CTDNEP1: variants seen among roughly 807,000 people sequenced by gnomAD.
CTDNEP1 encodes C-terminal domain nuclear envelope phosphatase 1.
A neutral mutation model predicts 30.1 loss-of-function variants in CTDNEP1; 3 were observed. That is an observed-to-expected ratio of 0.10 (90% CI 0.05 to 0.26). The LOEUF (loss-of-function observed/expected upper bound fraction) is 0.26, where lower values mean the gene tolerates loss of function less well. Ranked by LOEUF, CTDNEP1 falls within the 10% of genes least tolerant of loss-of-function variation. CTDNEP1 has a pLI of 1.00. For synonymous variants in CTDNEP1, 123 were observed against 118.8 expected (o/e 1.04, Z -0.23); for missense variants, 158 against 310.4 (o/e 0.51, Z 3.69).
rs1366509317 is a variant in CTDNEP1 at position 7,244,467 on chromosome 17, GA to G, written c.674+83del. ...TCTTAAGGGAACAGAGTTAAAACAG[GA>G]CAAACCTTTTTTATTCCCTCTGAGG... On this transcript the variant is annotated intron_variant, in intron 7 of 7. Coordinates refer to ENST00000574322, the MANE Select transcript of CTDNEP1 (RefSeq NM_001143775.2). 5 of 1,384,768 alleles carry G rather than the reference GA, an allele frequency of 3.6e-6. No homozygotes were observed. The Admixed American group carries it at 8.5e-5, about 23-fold the overall frequency. The allele number at this position is 1,384,768 out of a possible 1,614,324, so 85.8% of individuals were successfully genotyped here.
At position 7,243,989 on chromosome 17, in the gene CTDNEP1, T is replaced by G; in HGVS notation, c.*196A>C. On this transcript the variant is annotated 3_prime_UTR_variant, in exon 8 of 8. Coordinates refer to ENST00000574322, the MANE Select transcript of CTDNEP1 (RefSeq NM_001143775.2). Reference sequence around the variant, plus strand: ...TGGAGTGTGAACACGAAGTTAAGAGTGAGGCTGCTTCAGAGCCCCTGGCCC... The same window carrying G: ...TGGAGTGTGAACACGAAGTTAAGAGGGAGGCTGCTTCAGAGCCCCTGGCCC... The G allele has an allele frequency of 7.2e-7, 1 of 1,396,762 alleles. No individual in the cohort carries two copies. Among genetic ancestry groups the G allele is most frequent in the Non-Finnish European group, 9.3e-7 (1 of 1,074,296 alleles). 86.5% of individuals were successfully genotyped at this position (1,396,762 alleles called of 1,614,324 possible). A position where few individuals can be genotyped will look rare whatever the true frequency, so the allele number is the denominator to read the frequency against.
Position 7,246,491 on chromosome 17 carries a change from C to G in CTDNEP1, c.361-121G>C, listed in dbSNP as rs940164663. The G allele has an allele frequency of 1.3e-6, 1 of 761,890 alleles. No individual in the cohort carries two copies. The highest frequency in any genetic ancestry group is 2.2e-5 in the Admixed American group (1 of 44,762). The allele number at this position is 761,890 out of a possible 1,614,324, so 47.2% of individuals were successfully genotyped here. ...GGCCTTCCATCAACATCAAATGTCT[C>G]TGAGGACACGAAATTCTGAACCCCC... On this transcript the variant is annotated intron_variant, in intron 4 of 7. Coordinates refer to ENST00000574322, the MANE Select transcript of CTDNEP1 (RefSeq NM_001143775.2). The surrounding 1 kb of genome is among the most constrained non-coding windows in gnomAD (Gnocchi z 4.9).
Position 7,251,377 on chromosome 17 carries a change from G to A in CTDNEP1, c.-81C>T, listed in dbSNP as rs2071922358. Reference sequence around the variant, plus strand: ...CCCCCGGGGGCAGCCCCCCGCCGCCGGGAGGGGGAACGGGGGCCCCGAGTG... The same window carrying A: ...CCCCCGGGGGCAGCCCCCCGCCGCCAGGAGGGGGAACGGGGGCCCCGAGTG... On this transcript the variant is annotated 5_prime_UTR_variant, in exon 1 of 8. Coordinates refer to ENST00000574322, the MANE Select transcript of CTDNEP1 (RefSeq NM_001143775.2). 2.0e-6 allele frequency: 2 copies of A among 999,110 alleles called. No homozygotes were observed. Among genetic ancestry groups the A allele is most frequent in the East Asian group, 3.4e-5 (1 of 29,838 alleles). The allele number at this position is 999,110 out of a possible 1,614,324, so 61.9% of individuals were successfully genotyped here.
Position 7,246,479 on chromosome 17 carries a change from C to A in CTDNEP1, c.361-109G>T. 1 of 819,278 alleles carries A rather than the reference C, an allele frequency of 1.2e-6. No homozygotes were observed. The highest frequency in any genetic ancestry group is 2.0e-6 in the Non-Finnish European group (1 of 492,360). The allele number at this position is 819,278 out of a possible 1,614,324, so 50.8% of individuals were successfully genotyped here. ...CATAGTCCTTCAGGCCTTCCATCAA[C>A]ATCAAATGTCTCTGAGGACACGAAA... On this transcript the variant is annotated intron_variant, in intron 4 of 7. Coordinates refer to ENST00000574322, the MANE Select transcript of CTDNEP1 (RefSeq NM_001143775.2). The surrounding 1 kb of genome is among the most constrained non-coding windows in gnomAD (Gnocchi z 4.9).
At chr17:7,247,895 G>A (rs1030697249) in intron 1 of CTDNEP1, among the ~76,000 whole-genome samples, 5 of 152,102 alleles carry the variant, frequency 3.3e-5, no homozygotes, top group Non-Finnish European at 1.5e-5. Flanking sequence ...AAAACTCCAT[G>A]AGAATATGAT....
At position 7,243,986 on chromosome 17, in the gene CTDNEP1, G is replaced by C; in HGVS notation, c.*199C>G. 1 of 1,397,098 alleles carries C rather than the reference G, an allele frequency of 7.2e-7. No homozygotes were observed. The highest frequency in any genetic ancestry group is 9.3e-7 in the Non-Finnish European group (1 of 1,074,350). The allele number at this position is 1,397,098 out of a possible 1,614,324, so 86.5% of individuals were successfully genotyped here. A position where few individuals can be genotyped will look rare whatever the true frequency, so the allele number is the denominator to read the frequency against. On this transcript the variant is annotated 3_prime_UTR_variant, in exon 8 of 8. Transcript: ENST00000574322. ...CCATGGAGTGTGAACACGAAGTTAA[G>C]AGTGAGGCTGCTTCAGAGCCCCTGG... is the stretch of plus-strand genomic sequence containing the variant.
rs368878398 is a variant in CTDNEP1 at position 7,246,215 on chromosome 17, C to T, written c.477+39G>A. The T allele has an allele frequency of 5.4e-5, 86 of 1,579,666 alleles. 1 individual carries two copies. In the African/African-American group the frequency reaches 9.1e-4, roughly 17 times the overall value. On this transcript the variant is annotated intron_variant, in intron 5 of 7. Transcript: ENST00000574322. The surrounding 1 kb of genome is among the most constrained non-coding windows in gnomAD (Gnocchi z 4.9). Reference sequence around the variant, plus strand: ...ACCCAGATCCCTCCCTGGTGGCCTCCCTCCCAAGCCACACTCTTAGACTGG... The same window carrying T: ...ACCCAGATCCCTCCCTGGTGGCCTCTCTCCCAAGCCACACTCTTAGACTGG...
In CTDNEP1 at chr17:7,246,092, C is replaced by A; in HGVS notation, c.523G>T (p.Val175Phe). ...ACAATGCTGGAGAGGTCACTGTGGA[C>A]CACAGAGAGGTCCTTGATGTAGCTG... The part of the protein sequence containing the change: ...LGSYIKDLSV[V>F]HSDLSSIVIL... Residue 175 changes from valine to phenylalanine, a missense_variant, in exon 6 of 8, where the codon GTC becomes TTC. Coordinates refer to ENST00000574322, the MANE Select transcript of CTDNEP1 (RefSeq NM_001143775.2). This position sits in a 1 kb window ranked among gnomAD's most constrained non-coding sequence, Gnocchi z 4.9. 6.2e-7 allele frequency: 1 copy of A among 1,614,074 alleles called. No homozygotes were observed. The highest frequency in any genetic ancestry group is 8.5e-7 in the Non-Finnish European group (1 of 1,179,998).
In CTDNEP1 at chr17:7,246,945, C is replaced by T; in HGVS notation, c.289-83G>A. On this transcript the variant is annotated intron_variant, in intron 3 of 7. Transcript: ENST00000574322. The surrounding 1 kb of genome is among the most constrained non-coding windows in gnomAD (Gnocchi z 4.9). The stretch of plus-strand genomic sequence containing the variant: ...AAACGCCCCACCCATCTGCTTCCCT[C>T]CTCCAGGCTGACACTGGTGCCAGCG... 6.9e-7 allele frequency: 1 copy of T among 1,439,918 alleles called. No individual in the cohort carries two copies. Among genetic ancestry groups the T allele is most frequent in the Non-Finnish European group, 9.8e-7 (1 of 1,025,042 alleles). 89.2% of individuals were successfully genotyped at this position (1,439,918 alleles called of 1,614,324 possible).
At chr17:7,245,931 TCCCAGCTCTCAAGGACCAAAG>T (rs937189186) in intron 6 of CTDNEP1, 74 bp downstream of exon 6, 1 of 760,974 alleles carries the variant, frequency 1.3e-6, no homozygotes, top group African/African-American at 1.7e-5. Flanking sequence ...ATCTAGGGAA[TCCCAGCTCTCAAGGACCAAAG>T]CCCAGGTCTC....
intron 6 of CTDNEP1, among the ~76,000 whole-genome samples, chr17:7,245,499 T>G (rs1455171137): frequency 6.6e-6 from 1 of 151,400 alleles, no homozygotes; most frequent in Non-Finnish European, 1.5e-5. Context: ...TTTTATTTAT[T>G]TATTATTTAT....
chr17:7,244,856 G>A, intron 6 of CTDNEP1: 1 of 486,540 alleles, frequency 2.1e-6, no homozygotes, highest in Admixed American at 3.9e-5. Context: ...CTGCCATTGT[G>A]CCTCACTTGA....
At chr17:7,244,448 G>C in intron 7 of CTDNEP1, 103 bp downstream of exon 7, 1 of 1,290,926 alleles carries the variant, frequency 7.7e-7, no homozygotes, top group South Asian at 1.2e-5. Flanking sequence ...AAATTCTTAA[G>C]GGAACAGAGT....
At chr17:7,244,902 T>C (rs2071816758) in intron 6 of CTDNEP1, 1 of 365,934 alleles carries the variant, frequency 2.7e-6, no homozygotes, top group African/African-American at 2.2e-5. Flanking sequence ...TCACACCTGT[T>C]ATCCCAACAC....
rs779546593 is a variant in CTDNEP1 at position 7,244,147 on chromosome 17, T to C, written c.*38A>G. 16 of 1,611,678 alleles carry C rather than the reference T, an allele frequency of 9.9e-6. No individual in the cohort carries two copies. The East Asian group carries it at 2.2e-4, about 22-fold the overall frequency. ...GCATCCCAAGGGCTCGCCCTCCCTT[T>C]CCCCCCCACCCCAACTCAGGTGGAG... On this transcript the variant is annotated 3_prime_UTR_variant, in exon 8 of 8. Transcript: ENST00000574322.
Position 7,243,622 on chromosome 17 carries a change from A to G in CTDNEP1, c.*563T>C. 1 of 153,768 alleles carries G rather than the reference A, an allele frequency of 6.5e-6. No individual in the cohort carries two copies. The highest frequency in any genetic ancestry group is 1.5e-5 in the Non-Finnish European group (1 of 68,954). The allele number at this position is 153,768 out of a possible 1,614,324, so 9.5% of individuals were successfully genotyped here. ...TTCAAAGTTATAATGCATGGTTTAA[A>G]AGAGAGAAAAGGAAAAAAGACACAA... is the stretch of plus-strand genomic sequence containing the variant. On this transcript the variant is annotated 3_prime_UTR_variant, in exon 8 of 8. Coordinates refer to ENST00000574322, the MANE Select transcript of CTDNEP1 (RefSeq NM_001143775.2).
chr17:7,244,772 T>C, intron 6 of CTDNEP1, 137 bp from the exon 7 acceptor site: 1 of 655,940 alleles, frequency 1.5e-6, no homozygotes, highest in Non-Finnish European at 2.5e-6. Flanking sequence ...TAAGTAAAAC[T>C]TTCCTGGTTT....
chr17:7,251,698 CAG>C lies in CTDNEP1; in HGVS notation c.-404_-403del, dbSNP rs1371468257. The C allele has an allele frequency of 2.0e-5, 3 of 150,286 alleles. No individual in the cohort carries two copies. Among genetic ancestry groups the C allele is most frequent in the Admixed American group, 6.9e-5 (1 of 14,496 alleles). The allele number at this position is 150,286 out of a possible 1,614,324, so 9.3% of individuals were successfully genotyped here. A position where few individuals can be genotyped will look rare whatever the true frequency, so the allele number is the denominator to read the frequency against. On this transcript the variant is annotated 5_prime_UTR_variant, in exon 1 of 8. Transcript: ENST00000574322. ...AAAAGGGAAGGGGAGGGGGGGAAAG[CAG>C]AGAGTGGCCCGCTGCGCAGGCGCGC...
Position 7,247,289 on chromosome 17 carries a change from G to C in CTDNEP1, c.157C>G (p.Arg53Gly). Residue 53 changes from arginine (R) to glycine (G), a missense_variant, in exon 2 of 8, where the codon CGG becomes GGG. Arg to Gly is a moderately radical substitution (Grantham distance 125). Coordinates refer to ENST00000574322, the MANE Select transcript of CTDNEP1 (RefSeq NM_001143775.2). ...ACCACATACTTACCTAGCCGATTCC[G>C]GGACACAGGAGATAAGGGGAGGATA... The part of the protein sequence containing the change: ...YDILPLSPVS[R>G]NRLAQVKRKI... 1.2e-6 allele frequency: 2 copies of C among 1,613,904 alleles called. No individual in the cohort carries two copies. Among genetic ancestry groups the C allele is most frequent in the Non-Finnish European group, 1.7e-6 (2 of 1,179,946 alleles).
Sources: allele counts gnomAD v4.1 joint callset (sites outside exome capture counted in the v4.1 genomes callset), GRCh38; gene constraint gnomAD v4.1.1; non-coding constraint Gnocchi (gnomAD v3.1); transcripts MANE v1.5; gene names NCBI Gene and HGNC (gene_info 2026-07-23, HGNC 2026-07-21).